Variants in MMP26 observed in about 807,000 individuals in gnomAD.
MMP26 encodes the protein matrix metallopeptidase 26.
In MMP26, 33 loss-of-function variants were observed where a neutral mutation model predicts 31.0. The observed-to-expected ratio is 1.06, with a 90% CI of 0.81 to 1.42. The LOEUF is 1.42. Among genes scored for constraint, MMP26 ranks in the 40% most tolerant of loss-of-function variants. MMP26 has a pLI of 0.00. For missense variants in MMP26, 347 were observed against 316.1 expected (o/e 1.10, Z -0.74); for synonymous variants, 122 against 114.9 (o/e 1.06, Z -0.40).
intron 2 of MMP26, among the ~76,000 whole-genome samples, chr11:4,984,996 T>C (rs1358036941): frequency 1.3e-5 from 2 of 152,114 alleles, no homozygotes; most frequent in African/African-American, 2.4e-5. Context: ...CTACTATAGA[T>C]TTTGAATAAG....
intron 2 of MMP26, among the ~76,000 whole-genome samples, chr11:4,879,483 G>A (rs1332029340): frequency 6.6e-6 from 1 of 152,050 alleles, no homozygotes; most frequent in Non-Finnish European, 1.5e-5. Flanking sequence ...GGAAAGCTTT[G>A]AAATAAGACT....
At chr11:4,874,985 A>G (rs1246903502) in intron 2 of MMP26, among the ~76,000 whole-genome samples, 1 of 152,150 alleles carries the variant, frequency 6.6e-6, no homozygotes, top group African/African-American at 2.4e-5. Flanking sequence ...GGTCTTCTCT[A>G]TGGAGAAACA....
At chr11:4,736,654 A>T (rs1389676125) in intron 1 of MMP26, 1 of 152,228 alleles carries the variant, frequency 6.6e-6, no homozygotes, top group African/African-American at 2.4e-5. Flanking sequence ...CCTGACAAGG[A>T]TGGCAAACCA....
chr11:4,753,673 T>TAGATACCAAATTTCATTTACTC (rs1848474442), intron 1 of MMP26, among the ~76,000 whole-genome samples: 1 of 152,110 alleles, frequency 6.6e-6, no homozygotes, highest in South Asian at 2.1e-4. Flanking sequence ...GTTATTAACT[T>TAGATACCAAATTTCATTTACTC]AGATACCAAA....
chr11:4,923,315 C>A, intron 2 of MMP26: 1 of 1,502,718 alleles, frequency 6.7e-7, no homozygotes, highest in African/African-American at 1.4e-5. Flanking sequence ...CACAGCACAG[C>A]TGAAAACAAA....
At chr11:4,778,249 G>A (rs1237224391) in intron 2 of MMP26, among the ~76,000 whole-genome samples, 1 of 151,942 alleles carries the variant, frequency 6.6e-6, no homozygotes, top group Non-Finnish European at 1.5e-5. Flanking sequence ...TGTGCTGTTT[G>A]GATACTCCCT....
chr11:4,777,386 C>T (rs1296245190), intron 2 of MMP26, among the ~76,000 whole-genome samples: 1 of 152,076 alleles, frequency 6.6e-6, no homozygotes, highest in Non-Finnish European at 1.5e-5. Context: ...CCCAAGTAGA[C>T]AGTTGTATAC....
At chr11:4,923,326 C>G in intron 2 of MMP26, 2 of 1,512,080 alleles carry the variant, frequency 1.3e-6, no homozygotes, top group South Asian at 1.4e-5. Flanking sequence ...TGAAAACAAA[C>G]AGAAACCTGT....
At chr11:4,773,947 T>C (rs780857962) in intron 2 of MMP26, among the ~76,000 whole-genome samples, 1 of 152,158 alleles carries the variant, frequency 6.6e-6, no homozygotes, top group Non-Finnish European at 1.5e-5. Context: ...GCCTCATCCA[T>C]GTCCCTGAAA....
At chr11:4,992,159 G>C in intron 7 of MMP26, 34 bp downstream of exon 7, 3 of 1,607,112 alleles carry the variant, frequency 1.9e-6, no homozygotes, top group Non-Finnish European at 2.5e-6. Context: ...AGGGAGATCT[G>C]GGCAGGAAAA....
At chr11:4,795,864 G>GAGAGAT (rs1278475760) in intron 2 of MMP26, among the ~76,000 whole-genome samples, 1 of 151,854 alleles carries the variant, frequency 6.6e-6, no homozygotes, top group Non-Finnish European at 1.5e-5. Flanking sequence ...GAGAGAGAGA[G>GAGAGAT]AGAGAGACCT....
intron 1 of MMP26, chr11:4,723,752 C>T (rs1589883843): frequency 8.4e-6 from 12 of 1,428,434 alleles, no homozygotes; most frequent in East Asian, 6.8e-5. Context: ...ATGTAGCTCT[C>T]GAACATGTTG....
chr11:4,780,804 G>A (rs1035386503), intron 2 of MMP26, among the ~76,000 whole-genome samples: 1 of 150,950 alleles, frequency 6.6e-6, no homozygotes, highest in Non-Finnish European at 1.5e-5. Context: ...AACACAGATG[G>A]GAAAGTAATT....
intron 2 of MMP26, among the ~76,000 whole-genome samples, chr11:4,776,033 C>A (rs1848787283): frequency 6.6e-6 from 1 of 152,272 alleles, no homozygotes; most frequent in African/African-American, 2.4e-5. Context: ...TCATTTATAA[C>A]TGAGAACACC....
At chr11:4,887,202 CTATTA>C (rs1001612181) in intron 2 of MMP26, among the ~76,000 whole-genome samples, 60 of 151,998 alleles carry the variant, frequency 3.9e-4, no homozygotes, top group African/African-American at 1.3e-3. Context: ...ATAAATCTCA[CTATTA>C]TATTAAGCTT....
chr11:4,945,857 TC>T, intron 2 of MMP26: 1 of 386,942 alleles, frequency 2.6e-6, no homozygotes, highest in East Asian at 5.7e-5. Context: ...TAATGAGAAA[TC>T]CAACTTCTGT....
At position 4,991,950 on chromosome 11, in the gene MMP26, C is replaced by A. The variant is rs375403407; in HGVS notation, c.596-14C>A. The A allele has an allele frequency of 6.5e-7, 1 of 1,536,728 alleles. No homozygotes were observed. The highest frequency in any genetic ancestry group is 8.7e-7 in the Non-Finnish European group (1 of 1,147,192). Reference sequence around the variant, plus strand: ...ATAGTTAATTTTATCTTTTTTTTTTCTATAATTTTTCAGGATATAATCTGT... The same window carrying A: ...ATAGTTAATTTTATCTTTTTTTTTTATATAATTTTTCAGGATATAATCTGT... On this transcript the variant is annotated splice_polypyrimidine_tract_variant and intron_variant, in intron 6 of 7. Coordinates refer to ENST00000380390, the MANE Select transcript of MMP26 (RefSeq NM_021801.5).
At chr11:4,915,719 A>T in intron 2 of MMP26, 1 of 1,237,548 alleles carries the variant, frequency 8.1e-7, no homozygotes, top group Non-Finnish European at 1.2e-6. Context: ...AAGTAAATTG[A>T]GGCAGTACTG....
intron 1 of MMP26, among the ~76,000 whole-genome samples, chr11:4,764,250 TA>T (rs1223144485): frequency 2.0e-5 from 3 of 152,340 alleles, no homozygotes; most frequent in South Asian, 2.1e-4. Context: ...AAGTTGACAA[TA>T]TTTTTTTGCT....
Sources: gnomAD v4.1 joint callset for allele counts (sites outside exome capture counted in the v4.1 genomes callset) on GRCh38, gnomAD v4.1.1 for gene constraint, MANE v1.5 for transcripts, NCBI Gene and HGNC (gene_info 2026-07-23, HGNC 2026-07-21) for gene names.